HTR1D: variants seen among roughly 807,000 people sequenced by gnomAD.
HTR1D encodes 5-hydroxytryptamine receptor 1D.
In HTR1D, 18 loss-of-function variants were observed where a neutral mutation model predicts 21.1. That is an observed-to-expected ratio of 0.85 (90% CI 0.59 to 1.27). The LOEUF is 1.27. Ranked by LOEUF, HTR1D falls within the 50% of genes most tolerant of loss-of-function variation. HTR1D has a pLI of 0.00. For missense variants in HTR1D, 456 were observed against 481.4 expected, an observed-to-expected ratio of 0.95 and a Z score of 0.49; for synonymous variants, 196 against 204.4, an observed-to-expected ratio of 0.96 and a Z score of 0.35.
At chr1:23,211,320 A>G (rs901749223) in intron 1 of HTR1D, among the ~76,000 whole-genome samples, 62 of 152,268 alleles carry the variant, frequency 4.1e-4, no homozygotes, top group African/African-American at 1.5e-3. Context: ...ATGATCCTGC[A>G]ATGAGGACCA....
intron 1 of HTR1D, among the ~76,000 whole-genome samples, chr1:23,204,130 C>CTT (rs565071882): frequency 2.0e-5 from 3 of 146,734 alleles, no homozygotes; most frequent in Admixed American, 6.8e-5. Flanking sequence ...TACCCAGTCT[C>CTT]TTTTTTTTTT....
At chr1:23,209,794 C>G (rs920563523) in intron 1 of HTR1D, among the ~76,000 whole-genome samples, 1 of 152,124 alleles carries the variant, frequency 6.6e-6, no homozygotes, top group African/African-American at 2.4e-5. Flanking sequence ...ACTCCATGCT[C>G]CACCATCCAT....
Position 23,217,298 on chromosome 1 carries a change from C to A in HTR1D, c.-790G>T, listed in dbSNP as rs1644779451. Among the ~76,000 whole-genome samples, 1 of 151,784 alleles carries A rather than the reference C, an allele frequency of 6.6e-6. No individual in the cohort carries two copies. The highest frequency in any genetic ancestry group is 2.4e-5 in the African/African-American group (1 of 41,396). On this transcript the variant is annotated 5_prime_UTR_variant, in exon 1 of 2. Transcript: ENST00000374619. The surrounding 1 kb of genome is among the most constrained non-coding windows in gnomAD (Gnocchi z 4.6). The stretch of plus-strand genomic sequence containing the variant: ...GCGGCCCCGAGAGCTTACCCGCTGC[C>A]CGGCGGGCAGGTGCGCACACCCGGC...
intron 1 of HTR1D, among the ~76,000 whole-genome samples, chr1:23,202,194 T>C (rs558403362): frequency 6.6e-6 from 1 of 152,136 alleles, no homozygotes; most frequent in East Asian, 1.9e-4. Flanking sequence ...CCTCCCAGGT[T>C]CAACCTATTC....
Position 23,194,440 on chromosome 1 carries a change from G to A in HTR1D, c.-221C>T, listed in dbSNP as rs1340729454. 11 of 325,634 alleles carry A rather than the reference G, an allele frequency of 3.4e-5. No homozygotes were observed. The highest frequency in any genetic ancestry group is 2.8e-4 in the East Asian group (5 of 17,750). The allele number at this position is 325,634 out of a possible 1,614,324, so 20.2% of individuals were successfully genotyped here. On this transcript the variant is annotated 5_prime_UTR_variant, in exon 2 of 2. Coordinates refer to ENST00000374619, the MANE Select transcript of HTR1D (RefSeq NM_000864.5). ...AATAATAATAATATTAAACAAGACC[G>A]GACTATTTGAAGAATGCTGAGACAA...
At chr1:23,205,039 A>G (rs1018862278) in intron 1 of HTR1D, among the ~76,000 whole-genome samples, 3 of 152,270 alleles carry the variant, frequency 2.0e-5, no homozygotes, top group Non-Finnish European at 4.4e-5. Flanking sequence ...TGTGATTTAT[A>G]TGATGGAATA....
At chr1:23,207,822 TGC>T (rs1644738071) in intron 1 of HTR1D, among the ~76,000 whole-genome samples, 1 of 145,688 alleles carries the variant, frequency 6.9e-6, no homozygotes, top group Admixed American at 7.3e-5. Flanking sequence ...AGTACAGTGG[TGC>T]GATCTCAGCT....
At chr1:23,209,084 C>T (rs1251488824) in intron 1 of HTR1D, among the ~76,000 whole-genome samples, 1 of 150,936 alleles carries the variant, frequency 6.6e-6, no homozygotes, top group Non-Finnish European at 1.5e-5. Flanking sequence ...CAACCTCTTC[C>T]TCTCTGGTTC....
chr1:23,195,818 T>TA (rs1465183594), intron 1 of HTR1D, among the ~76,000 whole-genome samples: 1 of 152,094 alleles, frequency 6.6e-6, no homozygotes, highest in Non-Finnish European at 1.5e-5. Flanking sequence ...CCAGTAATTT[T>TA]AAAAATCATT....
At chr1:23,215,785 A>G (rs551001606) in intron 1 of HTR1D, among the ~76,000 whole-genome samples, 7 of 152,370 alleles carry the variant, frequency 4.6e-5, no homozygotes, top group African/African-American at 1.7e-4. Context: ...CTGGGAAGCC[A>G]GCACTAGGGC....
chr1:23,207,479 G>GGCAC (rs1644736353), intron 1 of HTR1D, among the ~76,000 whole-genome samples: 1 of 152,084 alleles, frequency 6.6e-6, no homozygotes, highest in South Asian at 2.1e-4. Flanking sequence ...GCAGAGCCCA[G>GGCAC]GCACTGATTT....
intron 1 of HTR1D, among the ~76,000 whole-genome samples, chr1:23,205,501 C>T (rs1464606882): frequency 6.6e-6 from 1 of 152,166 alleles, no homozygotes; most frequent in African/African-American, 2.4e-5. Context: ...TAGCTTGTTA[C>T]ACAGCAATGC....
intron 1 of HTR1D, among the ~76,000 whole-genome samples, chr1:23,208,422 G>T (rs1644740474): frequency 6.6e-6 from 1 of 151,936 alleles, no homozygotes; most frequent in Non-Finnish European, 1.5e-5. Flanking sequence ...AAATACAAAA[G>T]TAGCTGGGCA....
In HTR1D at chr1:23,193,698, G is replaced by A. The variant is rs1038621012; in HGVS notation, c.522C>T (p.Leu174=). The A allele has an allele frequency of 4.3e-6, 7 of 1,613,908 alleles. No homozygotes were observed. Among genetic ancestry groups the A allele is most frequent in the African/African-American group, 4.0e-5 (3 of 74,956 alleles). ...AISICISIPP[L]FWRQAKAQEE... ...CCTGGGCCTTGGCCTGCCGCCAGAA[G>A]AGCGGGGGGATGGAGATGCAGATGG... The change falls in exon 2 of 2, where the codon CTC becomes CTT. Residue 174 remains leucine (L), a synonymous_variant. Coordinates refer to ENST00000374619, the MANE Select transcript of HTR1D (RefSeq NM_000864.5).
At chr1:23,205,760 T>G (rs1447902094) in intron 1 of HTR1D, among the ~76,000 whole-genome samples, 1 of 152,156 alleles carries the variant, frequency 6.6e-6, no homozygotes. Context: ...CAGGCTGGTC[T>G]CGAACTCCTG....
At chr1:23,212,124 C>T (rs1015858362) in intron 1 of HTR1D, among the ~76,000 whole-genome samples, 2 of 152,190 alleles carry the variant, frequency 1.3e-5, no homozygotes, top group African/African-American at 2.4e-5. Context: ...AGTTCTGTCA[C>T]TTCCTTGAGT....
chr1:23,207,364 G>C (rs1178330885), intron 1 of HTR1D, among the ~76,000 whole-genome samples: 2 of 152,004 alleles, frequency 1.3e-5, no homozygotes, highest in Non-Finnish European at 2.9e-5. Context: ...AGCTGAGATC[G>C]TGCTACTGCA....
chr1:23,207,706 C>T (rs751820148), intron 1 of HTR1D, among the ~76,000 whole-genome samples: 13 of 151,500 alleles, frequency 8.6e-5, no homozygotes, highest in Admixed American at 4.6e-4. Flanking sequence ...AAGTCTTCAA[C>T]AGGCAAGAGA....
chr1:23,211,988 T>G (rs1644755289), intron 1 of HTR1D, among the ~76,000 whole-genome samples: 2 of 152,210 alleles, frequency 1.3e-5, no homozygotes, highest in East Asian at 3.9e-4. Flanking sequence ...CATTTCCTAT[T>G]GTTTACCTAT....
Sources: gnomAD v4.1 joint callset for allele counts (sites outside exome capture counted in the v4.1 genomes callset) on GRCh38, gnomAD v4.1.1 for gene constraint, Gnocchi (gnomAD v3.1) non-coding constraint, MANE v1.5 for transcripts, NCBI Gene and HGNC (gene_info 2026-07-23, HGNC 2026-07-21) for gene names.